KAZN: variants seen among roughly 807,000 people sequenced by gnomAD.
The protein encoded by KAZN is kazrin.
Under a neutral mutation model 87.4 loss-of-function variants are expected in KAZN, and 40 were observed. That is an observed-to-expected ratio of 0.46 (90% CI 0.36 to 0.60). The LOEUF is 0.60. Ranked by LOEUF, KAZN falls within the 20% of genes least tolerant of loss-of-function variation. The pLI, the probability that KAZN is intolerant of heterozygous loss-of-function variation, is 0.00. For synonymous variants in KAZN, 466 were observed against 458.3 expected (o/e 1.02, Z -0.22); for missense variants, 898 against 1,073.9 (o/e 0.84, Z 2.29).
intron 2 of KAZN, among the ~76,000 whole-genome samples, chr1:14,287,341 C>A (rs1369719023): frequency 1.3e-5 from 2 of 152,170 alleles, no homozygotes; most frequent in Non-Finnish European, 2.9e-5. Context: ...CTATTCTGAC[C>A]AGTGAGGCCA....
intron 2 of KAZN, among the ~76,000 whole-genome samples, chr1:14,536,816 A>G (rs1464360824): frequency 6.6e-6 from 1 of 151,894 alleles, no homozygotes; most frequent in African/African-American, 2.4e-5. Context: ...CGGGAGGCGG[A>G]TGTTGCAGTG....
At chr1:14,386,168 AG>A (rs1412046360) in intron 2 of KAZN, among the ~76,000 whole-genome samples, 2 of 145,668 alleles carry the variant, frequency 1.4e-5, no homozygotes, top group Admixed American at 1.4e-4. Flanking sequence ...TTTGCTTGGT[AG>A]ATCTTCCTCC....
intron 1 of KAZN, among the ~76,000 whole-genome samples, chr1:14,746,677 A>G (rs1204762201): frequency 6.6e-6 from 1 of 152,088 alleles, no homozygotes; most frequent in Non-Finnish European, 1.5e-5. Flanking sequence ...GGAGATGGTG[A>G]GGAAAGCAGC....
chr1:13,916,181 C>T lies in KAZN; in HGVS notation c.91+22425C>T, dbSNP rs542374419. 3.3e-5 allele frequency among the ~76,000 whole-genome samples: 5 copies of T among 152,204 alleles called. No individual in the cohort carries two copies. In the South Asian group the frequency reaches 8.3e-4, roughly 25 times the overall value. ...GAGGTGCAGTCATGGGCTCACCTAC[C>T]CTGATGGGAGAGTTGGGACCCTGGA... On this transcript the variant is annotated intron_variant, in intron 1 of 16. Coordinates refer to the KAZN transcript ENST00000636203.
intron 1 of KAZN, among the ~76,000 whole-genome samples, chr1:13,932,503 G>A (rs1040546909): frequency 6.0e-5 from 9 of 149,248 alleles, no homozygotes; most frequent in Admixed American, 2.7e-4. Flanking sequence ...CTCGTGATCC[G>A]CCCGCCTCGG....
chr1:13,915,901 A>G (rs1043067403), intron 1 of KAZN, among the ~76,000 whole-genome samples: 23 of 152,240 alleles, frequency 1.5e-4, no homozygotes, highest in African/African-American at 5.3e-4. Flanking sequence ...CTAGATGGAA[A>G]ACAATTCAGA....
chr1:14,011,377 T>C (rs1198711392), intron 1 of KAZN, among the ~76,000 whole-genome samples: 1 of 152,174 alleles, frequency 6.6e-6, no homozygotes, highest in Non-Finnish European at 1.5e-5. Flanking sequence ...TGCTTTCACG[T>C]AGGATGTTTT....
At chr1:14,630,555 A>G (rs1679488690) in intron 1 of KAZN, among the ~76,000 whole-genome samples, 1 of 152,216 alleles carries the variant, frequency 6.6e-6, no homozygotes, top group South Asian at 2.1e-4. Flanking sequence ...ATTTTTTAAA[A>G]GATTATAGTA....
At chr1:14,293,636 G>A (rs1245916902) in intron 2 of KAZN, among the ~76,000 whole-genome samples, 1 of 151,394 alleles carries the variant, frequency 6.6e-6, no homozygotes, top group African/African-American at 2.4e-5. Flanking sequence ...ATTTTCATGA[G>A]CATGTTAGAT....
At chr1:14,399,127 G>A (rs1348951290) in intron 2 of KAZN, among the ~76,000 whole-genome samples, 5 of 152,146 alleles carry the variant, frequency 3.3e-5, no homozygotes, top group African/African-American at 1.2e-4. Flanking sequence ...CTGAGCTCAA[G>A]CGATCCTCCC....
At chr1:14,057,035 C>A (rs1211419816) in intron 1 of KAZN, among the ~76,000 whole-genome samples, 5 of 135,870 alleles carry the variant, frequency 3.7e-5, no homozygotes, top group African/African-American at 1.6e-4. Flanking sequence ...AAGAGCGAGA[C>A]CCTGTCTCAA....
chr1:14,740,942 G>A (rs981505443), intron 1 of KAZN, among the ~76,000 whole-genome samples: 16 of 152,312 alleles, frequency 1.1e-4, no homozygotes, highest in African/African-American at 2.6e-4. Flanking sequence ...GCCTGTGGGG[G>A]TGGCAGGTCC....
intron 2 of KAZN, among the ~76,000 whole-genome samples, chr1:14,511,891 A>G (rs931054464): frequency 6.6e-6 from 1 of 152,208 alleles, no homozygotes; most frequent in Non-Finnish European, 1.5e-5. Context: ...AAATAAACGC[A>G]TTAGTTTAAA....
intron 1 of KAZN, among the ~76,000 whole-genome samples, chr1:14,896,345 G>A (rs1401278425): frequency 2.0e-5 from 3 of 152,138 alleles, no homozygotes; most frequent in African/African-American, 4.8e-5. Flanking sequence ...GAGCCACTGC[G>A]CCCAGCCAAA....
intron 1 of KAZN, among the ~76,000 whole-genome samples, chr1:14,706,025 C>G (rs563980912): frequency 1.3e-5 from 2 of 152,162 alleles, no homozygotes; most frequent in Non-Finnish European, 2.9e-5. Context: ...AGCTCCGCCT[C>G]CTGGAGCTCA....
rs150195864 is a variant in KAZN, at chr1:13,990,328, G to C, written c.91+96572G>C. On this transcript the variant is annotated intron_variant, in intron 1 of 16. Transcript: ENST00000636203. ...CAAGGTGTGATATATTTATACGAAG[G>C]AAGACCATTCAGTAATAAAAGAAGT... Among the ~76,000 whole-genome samples, 298 of 152,228 alleles carry C rather than the reference G, an allele frequency of 2.0e-3. 2 individuals carry two copies. Among genetic ancestry groups the C allele is most frequent in the African/African-American group, 7.1e-3 (293 of 41,540 alleles).
chr1:15,083,917 C>T (rs966236507), intron 8 of KAZN, among the ~76,000 whole-genome samples: 14 of 152,124 alleles, frequency 9.2e-5, no homozygotes, highest in Admixed American at 2.0e-4. Context: ...CACTGGGAGG[C>T]GGGGAATTCA....
chr1:14,382,667 C>A (rs1416839758), intron 2 of KAZN, among the ~76,000 whole-genome samples: 5 of 146,784 alleles, frequency 3.4e-5, no homozygotes, highest in Non-Finnish European at 6.0e-5. Flanking sequence ...TTTATGGCTG[C>A]ATAGTATTCC....
At chr1:14,383,331 T>C (rs1428105536) in intron 2 of KAZN, among the ~76,000 whole-genome samples, 1 of 151,018 alleles carries the variant, frequency 6.6e-6, no homozygotes, top group African/African-American at 2.4e-5. Flanking sequence ...TAGATCCCAT[T>C]TGTCAATTTT....
Sources: allele counts gnomAD v4.1 joint callset (sites outside exome capture counted in the v4.1 genomes callset), GRCh38; gene constraint gnomAD v4.1.1; transcripts MANE v1.5; gene names NCBI Gene and HGNC (gene_info 2026-07-23, HGNC 2026-07-21).